CAPN8: variants seen among roughly 807,000 people sequenced by gnomAD.
CAPN8 encodes the protein calpain 8, also known as calpain-8.
CAPN8 carries 87 observed loss-of-function variants against 80.9 expected under a neutral mutation model. The ratio of observed to expected loss-of-function variants is 1.07; its 90% CI spans 0.90 to 1.28. The LOEUF (loss-of-function observed/expected upper bound fraction) is 1.28. Ranked by LOEUF, CAPN8 falls within the 50% of genes most tolerant of loss-of-function variation. The probability of loss-of-function intolerance (pLI) is 0.00; values close to 1 mark genes in which losing one functional copy is unlikely to be tolerated. For synonymous variants in CAPN8, 299 were observed against 273.8 expected, an observed-to-expected ratio of 1.09 and a Z score of -0.91; for missense variants, 757 against 702.0, an observed-to-expected ratio of 1.08 and a Z score of -0.89.
chr1:223,541,926 C>G, intron 20 of CAPN8, 67 bp from the exon 21 acceptor site: 1 of 1,550,244 alleles, frequency 6.5e-7, no homozygotes, highest in Non-Finnish European at 8.7e-7. Context: ...ACCATTGATG[C>G]TCTCCTGCCT....
intron 13 of CAPN8, among the ~76,000 whole-genome samples, chr1:223,554,590 A>G (rs1280176404): frequency 2.0e-5 from 2 of 98,978 alleles, no homozygotes; most frequent in Admixed American, 1.0e-4. Context: ...CTTATATCAG[A>G]AAAAAAAAAC....
At chr1:223,652,198 T>C (rs928074801) in intron 2 of CAPN8, among the ~76,000 whole-genome samples, 1 of 152,016 alleles carries the variant, frequency 6.6e-6, no homozygotes, top group African/African-American at 2.4e-5. Flanking sequence ...AAAAATTAGC[T>C]GGGTGTGGTG....
intron 16 of CAPN8, 176 bp from the exon 17 acceptor site, chr1:223,545,475 A>T: frequency 9.9e-7 from 1 of 1,012,694 alleles, no homozygotes; most frequent in Admixed American, 2.7e-5. Flanking sequence ...TAAAAAGTCA[A>T]ACGTGCACCA....
At chr1:223,651,794 C>A (rs1040778143) in intron 2 of CAPN8, among the ~76,000 whole-genome samples, 2 of 152,174 alleles carry the variant, frequency 1.3e-5, no homozygotes, top group African/African-American at 2.4e-5. Flanking sequence ...ATGGAAAGAT[C>A]CCCCAAATAC....
chr1:223,544,305 G>A lies in CAPN8; in HGVS notation c.1913-122C>T, dbSNP rs1360132104. ...TGGTTCTGTATCAATCTGCAAACCAGGCCTGACTCTGCCTTCTCCAGGGGA... is the reference window on the plus strand; with the variant it reads ...TGGTTCTGTATCAATCTGCAAACCAAGCCTGACTCTGCCTTCTCCAGGGGA... On this transcript the variant is annotated intron_variant, in intron 18 of 20. Coordinates refer to ENST00000366872, the MANE Select transcript of CAPN8 (RefSeq NM_001143962.2). 3 of 632,084 alleles carry A rather than the reference G, an allele frequency of 4.7e-6. No homozygotes were observed. The African/African-American group carries it at 5.4e-5, about 11-fold the overall frequency. The allele number at this position is 632,084 out of a possible 1,614,324, so 39.2% of individuals were successfully genotyped here.
chr1:223,648,890 G>T (rs776038913), intron 2 of CAPN8, among the ~76,000 whole-genome samples: 1 of 152,074 alleles, frequency 6.6e-6, no homozygotes. Flanking sequence ...GATGGGGAAG[G>T]CAGGAGACAG....
rs556065609 is a variant in CAPN8, at chr1:223,545,022, G to A, written c.1834-172C>T. On this transcript the variant is annotated intron_variant, in intron 17 of 20. Transcript: ENST00000366872. ...AAGCATAAGAGCTTGGCCAGTGCTG[G>A]CCCCTTTGCTGTCTGAACAGCAGGG... 2.4e-5 allele frequency: 34 copies of A among 1,417,112 alleles called. 1 individual carries two copies. The South Asian group carries it at 4.8e-4, about 20-fold the overall frequency. The allele number at this position is 1,417,112 out of a possible 1,614,324, so 87.8% of individuals were successfully genotyped here.
intron 14 of CAPN8, among the ~76,000 whole-genome samples, chr1:223,553,265 G>A (rs1382455238): frequency 6.6e-6 from 1 of 152,204 alleles, no homozygotes; most frequent in Non-Finnish European, 1.5e-5. Context: ...CAGGGCAGGG[G>A]AGAAGGATCA....
chr1:223,543,832 A>C (rs960445801), intron 19 of CAPN8, among the ~76,000 whole-genome samples: 3 of 152,206 alleles, frequency 2.0e-5, no homozygotes, highest in Admixed American at 6.5e-5. Context: ...CAGCTTTGTT[A>C]AGTCTCCAAA....
At chr1:223,626,681 G>T (rs924309490) in intron 5 of CAPN8, among the ~76,000 whole-genome samples, 1 of 152,136 alleles carries the variant, frequency 6.6e-6, no homozygotes, top group Admixed American at 6.5e-5. Context: ...AGCAAATGGG[G>T]GGCCTAGGAT....
At chr1:223,637,937 T>C (rs1057132677) in intron 2 of CAPN8, among the ~76,000 whole-genome samples, 1 of 152,182 alleles carries the variant, frequency 6.6e-6, no homozygotes, top group African/African-American at 2.4e-5. Flanking sequence ...CACAGTTTAT[T>C]GTGCAAGATC....
At chr1:223,558,025 A>G (rs1011645994) in intron 13 of CAPN8, 106 bp downstream of exon 13, 2 of 397,340 alleles carry the variant, frequency 5.0e-6, no homozygotes, top group African/African-American at 2.1e-5. Flanking sequence ...CTAACTAATA[A>G]GAAGTTATCA....
chr1:223,556,591 C>T (rs963921181), intron 13 of CAPN8, among the ~76,000 whole-genome samples: 48 of 152,044 alleles, frequency 3.2e-4, no homozygotes, highest in Non-Finnish European at 5.7e-4. Context: ...CAATGTGGAC[C>T]CATGACCAGA....
intron 6 of CAPN8, among the ~76,000 whole-genome samples, chr1:223,624,875 A>G (rs1009401308): frequency 6.6e-6 from 1 of 152,148 alleles, no homozygotes; most frequent in Non-Finnish European, 1.5e-5. Context: ...CGGGCAGATC[A>G]TGAGGTCAGG....
At chr1:223,647,508 C>T (rs1041303140) in intron 2 of CAPN8, among the ~76,000 whole-genome samples, 1 of 152,052 alleles carries the variant, frequency 6.6e-6, no homozygotes. Flanking sequence ...TATTGCCTAC[C>T]CTCCTTTCTT....
At position 223,541,623 on chromosome 1, in the gene CAPN8, T is replaced by G; in HGVS notation, c.*213A>C. On this transcript the variant is annotated 3_prime_UTR_variant, in exon 21 of 21. Transcript: ENST00000366872. Reference sequence around the variant, plus strand: ...AGAGAAAGGTGGAAACCATTCTGGCTCACAACTTTAATTGATTGCTTTCCC... The same window carrying G: ...AGAGAAAGGTGGAAACCATTCTGGCGCACAACTTTAATTGATTGCTTTCCC... 1 of 658,502 alleles carries G rather than the reference T, an allele frequency of 1.5e-6. No individual in the cohort carries two copies. The highest frequency in any genetic ancestry group is 2.7e-6 in the Non-Finnish European group (1 of 374,864). The allele number at this position is 658,502 out of a possible 1,614,324, so 40.8% of individuals were successfully genotyped here.
At chr1:223,653,076 C>T (rs1460614737) in intron 2 of CAPN8, among the ~76,000 whole-genome samples, 1 of 151,404 alleles carries the variant, frequency 6.6e-6, no homozygotes, top group Non-Finnish European at 1.5e-5. Context: ...GTTGTGTGTC[C>T]CTGAGACACA....
rs1375733950 is a variant in CAPN8, at chr1:223,619,426, C to T, written c.1002G>A (p.Gln334=). The T allele has an allele frequency of 1.3e-6, 2 of 1,551,550 alleles. No individual in the cohort carries two copies. The highest frequency in any genetic ancestry group is 1.7e-6 in the Non-Finnish European group (2 of 1,147,002). The change falls in exon 9 of 21, where the codon CAG becomes CAA. Residue 334 remains glutamine, a synonymous_variant. Coordinates refer to ENST00000366872, the MANE Select transcript of CAPN8 (RefSeq NM_001143962.2). ...GGTTGCAGATCTCCAACCGAGAGAA[C>T]TGCCTCACGAAATCTGAAAGTGACA... The part of the protein sequence containing the change: ...FWMSLSDFVR[Q]FSRLEICNLS...
chr1:223,611,124 C>G (rs1657020089), intron 11 of CAPN8, among the ~76,000 whole-genome samples: 1 of 152,212 alleles, frequency 6.6e-6, no homozygotes, highest in Admixed American at 6.5e-5. Context: ...TCACCTCTCT[C>G]TCATATAAAT....
Sources: gnomAD v4.1 joint callset for allele counts (sites outside exome capture counted in the v4.1 genomes callset) on GRCh38, gnomAD v4.1.1 for gene constraint, MANE v1.5 for transcripts, NCBI Gene and HGNC (gene_info 2026-07-23, HGNC 2026-07-21) for gene names.